The following GRID1 variants were observed in gnomAD, a reference collection of about 807,000 sequenced individuals.
GRID1 encodes glutamate ionotropic receptor delta type subunit 1, also known as glutamate receptor ionotropic, delta-1.
GRID1 carries 28 observed loss-of-function variants against 98.0 expected under a neutral mutation model. That is an observed-to-expected ratio of 0.29 (90% confidence interval 0.21 to 0.39). The LOEUF (loss-of-function observed/expected upper bound fraction) is 0.39, where lower values mean the gene tolerates loss of function less well. Ranked by LOEUF, GRID1 falls within the 10% of genes least tolerant of loss-of-function variation. GRID1 has a pLI of 1.00. For synonymous variants in GRID1, 553 were observed against 538.5 expected, an observed-to-expected ratio of 1.03 and a Z score of -0.37; for missense variants, 1,111 against 1,340.5, an observed-to-expected ratio of 0.83 and a Z score of 2.67.
intron 5 of GRID1, among the ~76,000 whole-genome samples, chr10:85,883,646 A>G (rs1378576316): frequency 1.3e-5 from 2 of 151,620 alleles, no homozygotes; most frequent in Non-Finnish European, 2.9e-5. Flanking sequence ...GAAGCCTTTG[A>G]TTCACATTAC....
intron 2 of GRID1, among the ~76,000 whole-genome samples, chr10:86,236,343 CAA>C (rs1426049830): frequency 1.3e-5 from 2 of 152,190 alleles, no homozygotes; most frequent in Non-Finnish European, 2.9e-5. Context: ...TTCAACCTCT[CAA>C]TGTCTTCACC....
chr10:85,928,383 G>GGGAAA (rs1589301919), intron 4 of GRID1, among the ~76,000 whole-genome samples: 2 of 152,236 alleles, frequency 1.3e-5, no homozygotes, highest in East Asian at 3.8e-4. Flanking sequence ...TCAGGCAAAA[G>GGGAAA]GGAAAGGTCT....
intron 2 of GRID1, among the ~76,000 whole-genome samples, chr10:86,327,556 A>G (rs1156749884): frequency 6.6e-6 from 1 of 152,226 alleles, no homozygotes; most frequent in Non-Finnish European, 1.5e-5. Context: ...GCTGTATCTT[A>G]CTGGAGAAGA....
At chr10:86,198,501 A>C (rs938285966) in intron 3 of GRID1, among the ~76,000 whole-genome samples, 3 of 152,164 alleles carry the variant, frequency 2.0e-5, no homozygotes, top group African/African-American at 4.8e-5. Flanking sequence ...AGTAAGTGTT[A>C]CTGAGCAGTT....
rs1409220160 is a variant in GRID1, at chr10:85,751,744, TAGAC to T, written c.1234-22134_1234-22131del. 3.9e-5 allele frequency among the ~76,000 whole-genome samples: 6 copies of T among 152,310 alleles called. No homozygotes were observed. The East Asian group carries it at 5.8e-4, about 15-fold the overall frequency. On this transcript the variant is annotated intron_variant, in intron 8 of 15. Transcript: ENST00000327946. ...TGGTATGTGGCATGAAGATATATAA[TAGAC>T]AGATCCAAAAATTAATGATTTAAGT...
At chr10:86,276,769 C>T (rs1847276710) in intron 2 of GRID1, among the ~76,000 whole-genome samples, 6 of 152,172 alleles carry the variant, frequency 3.9e-5, no homozygotes, top group South Asian at 2.1e-4. Flanking sequence ...GGATTACAGG[C>T]GTGAGCCACC....
At chr10:85,983,967 A>T (rs1842577536) in intron 4 of GRID1, among the ~76,000 whole-genome samples, 1 of 151,962 alleles carries the variant, frequency 6.6e-6, no homozygotes, top group South Asian at 2.1e-4. Context: ...AGTCCTCCTC[A>T]TACCTGCTCC....
chr10:86,233,568 G>C (rs959672604), intron 2 of GRID1, among the ~76,000 whole-genome samples: 2 of 152,132 alleles, frequency 1.3e-5, no homozygotes, highest in African/African-American at 4.8e-5. Flanking sequence ...CCCACCCTAG[G>C]GTAGCTCACA....
At chr10:85,608,328 C>T (rs917948476) in intron 15 of GRID1, among the ~76,000 whole-genome samples, 3 of 152,192 alleles carry the variant, frequency 2.0e-5, no homozygotes, top group Admixed American at 1.3e-4. Flanking sequence ...TAATATGACC[C>T]TTTGGGAAAC....
intron 8 of GRID1, among the ~76,000 whole-genome samples, chr10:85,766,985 T>C (rs1842204141): frequency 6.6e-6 from 1 of 152,198 alleles, no homozygotes; most frequent in Admixed American, 6.5e-5. Flanking sequence ...AGCCTTCCTC[T>C]GTATATGCCA....
intron 4 of GRID1, among the ~76,000 whole-genome samples, chr10:86,064,633 C>T (rs1168003266): frequency 6.6e-6 from 1 of 152,208 alleles, no homozygotes; most frequent in Non-Finnish European, 1.5e-5. Flanking sequence ...AAACCTTCTC[C>T]AAGCTCCATG....
chr10:85,960,731 T>C (rs1564636060), intron 4 of GRID1, among the ~76,000 whole-genome samples: 1 of 152,184 alleles, frequency 6.6e-6, no homozygotes. Context: ...AATGAATGAA[T>C]CAATGGATTG....
intron 8 of GRID1, among the ~76,000 whole-genome samples, chr10:85,732,539 A>T (rs1841837608): frequency 6.6e-6 from 1 of 152,082 alleles, no homozygotes. Context: ...GCAGGAAGAA[A>T]CAGTTGGGAT....
At position 85,972,639 on chromosome 10, in the gene GRID1, T is replaced by C. The variant is rs534469846; in HGVS notation, c.727-56400A>G. 3.3e-5 allele frequency among the ~76,000 whole-genome samples: 5 copies of C among 152,096 alleles called. No individual in the cohort carries two copies. In the East Asian group the frequency reaches 9.7e-4, roughly 29 times the overall value. On this transcript the variant is annotated intron_variant, in intron 4 of 15. Transcript: ENST00000327946. ...AGTCTATTGCGTGGCTATTCCATAA[T>C]GTACTTAGCTATTCCCTACACTGAA...
intron 12 of GRID1, among the ~76,000 whole-genome samples, chr10:85,676,445 C>T (rs954016989): frequency 6.6e-6 from 1 of 152,306 alleles, no homozygotes; most frequent in South Asian, 2.1e-4. Context: ...TTGCTTAGCA[C>T]GTTTTCCCTG....
chr10:86,111,836 C>T (rs1434622260), intron 4 of GRID1, among the ~76,000 whole-genome samples: 1 of 152,214 alleles, frequency 6.6e-6, no homozygotes, highest in African/African-American at 2.4e-5. Flanking sequence ...GCAGCCTTAA[C>T]CTGCTGGAAA....
chr10:86,234,024 C>T (rs1321152696), intron 2 of GRID1, among the ~76,000 whole-genome samples: 1 of 152,166 alleles, frequency 6.6e-6, no homozygotes, highest in Non-Finnish European at 1.5e-5. Context: ...GCACTACCTG[C>T]TCCAGTTGCT....
chr10:85,706,183 C>T (rs11528411), intron 12 of GRID1, among the ~76,000 whole-genome samples: 9,166 of 152,212 alleles, frequency 0.06, 530 homozygotes, highest in African/African-American at 0.15. Context: ...TCCCTGTTTG[C>T]AGATGACATG....
At chr10:86,080,817 G>A (rs1309451172) in intron 4 of GRID1, among the ~76,000 whole-genome samples, 1 of 152,172 alleles carries the variant, frequency 6.6e-6, no homozygotes, top group Non-Finnish European at 1.5e-5. Context: ...AAACAATGCA[G>A]AATTTGGACC....
Sources: gnomAD v4.1 joint callset for allele counts (sites outside exome capture counted in the v4.1 genomes callset) on GRCh38, gnomAD v4.1.1 for gene constraint, MANE v1.5 for transcripts, NCBI Gene and HGNC (gene_info 2026-07-23, HGNC 2026-07-21) for gene names.